GPC5: variants seen among roughly 807,000 people sequenced by gnomAD.
GPC5 encodes glypican-5.
Under a neutral mutation model 53.9 loss-of-function variants are expected in GPC5, and 47 were observed. The ratio of observed to expected loss-of-function variants is 0.87; its 90% CI spans 0.69 to 1.11. The LOEUF (loss-of-function observed/expected upper bound fraction) is 1.11, where lower values mean the gene tolerates loss of function less well. Among genes scored for constraint, GPC5 ranks in the 50% most tolerant of loss-of-function variants. The pLI, the probability that GPC5 is intolerant of heterozygous loss-of-function variation, is 0.00. For synonymous variants in GPC5, 286 were observed against 263.3 expected (o/e 1.09, Z -0.84); for missense variants, 748 against 713.1 (o/e 1.05, Z -0.56).
intron 7 of GPC5, among the ~76,000 whole-genome samples, chr13:92,845,538 T>G (rs1223072284): frequency 6.6e-6 from 1 of 152,188 alleles, no homozygotes; most frequent in African/African-American, 2.4e-5. Context: ...ATTAACTGAT[T>G]GATTATCTGG....
chr13:92,752,448 A>T (rs1889431684), intron 7 of GPC5, among the ~76,000 whole-genome samples: 1 of 152,216 alleles, frequency 6.6e-6, no homozygotes, highest in Non-Finnish European at 1.5e-5. Context: ...TAAAGGTAAA[A>T]AAGAGTGCTA....
chr13:92,473,287 T>C (rs555876803), intron 7 of GPC5, among the ~76,000 whole-genome samples: 2 of 152,204 alleles, frequency 1.3e-5, no homozygotes, highest in South Asian at 4.1e-4. Flanking sequence ...ACTTTGAGTT[T>C]TGTGTTTCAG....
chr13:92,730,360 C>T (rs1888764630), intron 7 of GPC5, among the ~76,000 whole-genome samples: 1 of 151,326 alleles, frequency 6.6e-6, no homozygotes, highest in South Asian at 2.1e-4. Flanking sequence ...GTACAAATTA[C>T]TCAGTGTAAG....
intron 2 of GPC5, among the ~76,000 whole-genome samples, chr13:91,618,605 G>A (rs1046099925): frequency 2.0e-5 from 3 of 151,922 alleles, no homozygotes; most frequent in Non-Finnish European, 2.9e-5. Flanking sequence ...TAAGCTATTG[G>A]GCCTTTAGAC....
At chr13:91,900,940 G>T (rs1156833111) in intron 5 of GPC5, among the ~76,000 whole-genome samples, 1 of 152,040 alleles carries the variant, frequency 6.6e-6, no homozygotes, top group African/African-American at 2.4e-5. Flanking sequence ...GTAGATTCAC[G>T]CCTTGCCAAA....
chr13:92,402,575 G>C (rs1800192809), intron 7 of GPC5, among the ~76,000 whole-genome samples: 1 of 152,170 alleles, frequency 6.6e-6, no homozygotes, highest in South Asian at 2.1e-4. Flanking sequence ...ATGGTTTCAG[G>C]ATGAAGCTGT....
chr13:92,588,101 G>C (rs962553617), intron 7 of GPC5, among the ~76,000 whole-genome samples: 16 of 151,996 alleles, frequency 1.1e-4, no homozygotes, highest in African/African-American at 3.6e-4. Flanking sequence ...ACAGGCCCTG[G>C]TGTGTGATGT....
intron 7 of GPC5, among the ~76,000 whole-genome samples, chr13:92,817,855 G>GA (rs1239345633): frequency 1.3e-5 from 2 of 151,748 alleles, no homozygotes; most frequent in African/African-American, 2.4e-5. Context: ...AGGTTTTAAT[G>GA]AAAAAATATT....
rs546261781 is a variant in GPC5, at chr13:91,785,352, TC to T, written c.1280+28936del. On this transcript the variant is annotated intron_variant, in intron 5 of 7. Transcript: ENST00000377067. ...CTATTAGATGCCACTAGTAATTCAT[TC>T]CCCGATTGTGACAACCAAAAATGTC... 3.5e-3 allele frequency among the ~76,000 whole-genome samples: 526 copies of T among 152,266 alleles called. 2 individuals carry two copies. The highest frequency in any genetic ancestry group is 0.012 in the African/African-American group (502 of 41,548).
At chr13:91,595,709 A>G (rs1163291496) in intron 2 of GPC5, among the ~76,000 whole-genome samples, 1 of 152,180 alleles carries the variant, frequency 6.6e-6, no homozygotes, top group Non-Finnish European at 1.5e-5. Flanking sequence ...CTTGACTCAC[A>G]TTGCACCTTG....
At chr13:92,323,904 T>C (rs960286421) in intron 7 of GPC5, among the ~76,000 whole-genome samples, 4 of 151,954 alleles carry the variant, frequency 2.6e-5, no homozygotes, top group African/African-American at 9.7e-5. Flanking sequence ...ATGACTCATA[T>C]CAAAAAAATA....
At chr13:91,893,208 T>C (rs552504531) in intron 5 of GPC5, among the ~76,000 whole-genome samples, 1 of 152,170 alleles carries the variant, frequency 6.6e-6, no homozygotes, top group Non-Finnish European at 1.5e-5. Flanking sequence ...TCCTAACACC[T>C]TGAAACATCT....
intron 7 of GPC5, among the ~76,000 whole-genome samples, chr13:92,274,647 G>A (rs2139159748): frequency 6.6e-6 from 1 of 152,192 alleles, no homozygotes; most frequent in African/African-American, 2.4e-5. Context: ...GGATTTCACT[G>A]AAAAGCTAAA....
At chr13:92,026,728 G>T (rs560317982) in intron 6 of GPC5, among the ~76,000 whole-genome samples, 1 of 152,008 alleles carries the variant, frequency 6.6e-6, no homozygotes, top group African/African-American at 2.4e-5. Flanking sequence ...AATTATTATT[G>T]GTGAAAACTG....
chr13:92,469,627 C>T (rs1878833148), intron 7 of GPC5, among the ~76,000 whole-genome samples: 1 of 151,996 alleles, frequency 6.6e-6, no homozygotes, highest in Non-Finnish European at 1.5e-5. Flanking sequence ...TAAATCTTGT[C>T]TGTACAATTG....
chr13:92,391,140 C>T (rs1158787889), intron 7 of GPC5, among the ~76,000 whole-genome samples: 2 of 152,030 alleles, frequency 1.3e-5, no homozygotes, highest in African/African-American at 4.8e-5. Flanking sequence ...TTAGAAAAAT[C>T]TCCTCATTAA....
intron 2 of GPC5, among the ~76,000 whole-genome samples, chr13:91,653,198 C>G (rs532007132): frequency 1.3e-5 from 2 of 152,208 alleles, no homozygotes; most frequent in Admixed American, 1.3e-4. Flanking sequence ...AAACCTTTCA[C>G]CTTGTGACAG....
intron 7 of GPC5, among the ~76,000 whole-genome samples, chr13:92,666,878 T>C (rs1457733077): frequency 6.6e-6 from 1 of 152,206 alleles, no homozygotes; most frequent in Non-Finnish European, 1.5e-5. Flanking sequence ...AGCTATATTG[T>C]GGACCTTATA....
Position 92,730,670 on chromosome 13 carries a change from T to C in GPC5, c.1562-135612T>C, listed in dbSNP as rs1888776492. On this transcript the variant is annotated intron_variant, in intron 7 of 7. Coordinates refer to ENST00000377067, the MANE Select transcript of GPC5 (RefSeq NM_004466.6). ...TTATTGAAAAACAATCTTTTCTCCA[T>C]TTACTTGCCTTACTGTTTCTCTGGA... Among the ~76,000 whole-genome samples the C allele has an allele frequency of 2.0e-5, 3 of 151,384 alleles. No individual in the cohort carries two copies. In the South Asian group the frequency reaches 6.2e-4, roughly 31 times the overall value.
Sources: gnomAD v4.1 joint callset for allele counts (sites outside exome capture counted in the v4.1 genomes callset) on GRCh38, gnomAD v4.1.1 for gene constraint, MANE v1.5 for transcripts, NCBI Gene and HGNC (gene_info 2026-07-23, HGNC 2026-07-21) for gene names.